Variants in ARFIP1 observed in about 807,000 individuals in gnomAD.
ARFIP1 encodes the protein ARF interacting protein 1.
ARFIP1 carries 24 observed loss-of-function variants against 42.5 expected under a neutral mutation model. That is an observed-to-expected ratio of 0.57 (90% CI 0.41 to 0.80). ARFIP1 has a LOEUF of 0.80. Among genes scored for constraint, ARFIP1 ranks in the 30% least tolerant of loss-of-function variants. ARFIP1 has a pLI of 0.00. For synonymous variants in ARFIP1, 141 were observed against 153.7 expected, an observed-to-expected ratio of 0.92 and a Z score of 0.61; for missense variants, 354 against 434.0, an observed-to-expected ratio of 0.82 and a Z score of 1.64.
At chr4:152,796,290 G>C in intron 1 of ARFIP1, 1 of 992,002 alleles carries the variant, frequency 1.0e-6, no homozygotes, top group Non-Finnish European at 1.5e-6. Flanking sequence ...AGTTCAGGTT[G>C]TGTTACATGG....
Position 152,892,971 on chromosome 4 carries a change from T to C in ARFIP1, c.966+4664T>C, listed in dbSNP as rs76738193. On this transcript the variant is annotated intron_variant, in intron 8 of 8. Transcript: ENST00000353617. ...TTAAATAATGTAACTTGAGCTATTT[T>C]GTGACTTAAGGCAGTTTGTTTACCT... 5.2e-4 allele frequency among the ~76,000 whole-genome samples: 80 copies of C among 152,382 alleles called. No homozygotes were observed. The East Asian group carries it at 0.014, about 28-fold the overall frequency.
intron 1 of ARFIP1, among the ~76,000 whole-genome samples, chr4:152,791,723 A>G (rs932920335): frequency 1.3e-5 from 2 of 152,198 alleles, no homozygotes; most frequent in African/African-American, 4.8e-5. Flanking sequence ...CCTACAAATA[A>G]GTATGACCAC....
In ARFIP1 at chr4:152,842,198, C is replaced by T. The variant is rs370634521; in HGVS notation, c.93+12472C>T. Among the ~76,000 whole-genome samples, 21 of 152,210 alleles carry T rather than the reference C, an allele frequency of 1.4e-4. No individual in the cohort carries two copies. In the East Asian group the frequency reaches 2.5e-3, roughly 18 times the overall value. Reference sequence around the variant, plus strand: ...GGTAGAGAAATAGCCAATCATCTATCGCCTGAGAGCACAGCAGGAGGGACA... The same window carrying T: ...GGTAGAGAAATAGCCAATCATCTATTGCCTGAGAGCACAGCAGGAGGGACA... On this transcript the variant is annotated intron_variant, in intron 2 of 8. Transcript: ENST00000353617.
intron 2 of ARFIP1, among the ~76,000 whole-genome samples, chr4:152,847,869 C>G (rs954316408): frequency 1.3e-5 from 2 of 152,146 alleles, no homozygotes; most frequent in Non-Finnish European, 2.9e-5. Flanking sequence ...TGGAATTTTT[C>G]CCGTGGAAGG....
At chr4:152,907,839 A>G (rs1342972941) in intron 8 of ARFIP1, among the ~76,000 whole-genome samples, 2 of 152,230 alleles carry the variant, frequency 1.3e-5, no homozygotes, top group East Asian at 3.8e-4. Flanking sequence ...CAGTGCTGCC[A>G]TGAACATAAT....
intron 3 of ARFIP1, among the ~76,000 whole-genome samples, chr4:152,866,857 CG>C (rs932263715): frequency 1.3e-5 from 2 of 150,696 alleles, no homozygotes; most frequent in African/African-American, 4.9e-5. Context: ...ACATCCCAGA[CG>C]GGGCGGCGGG....
intron 2 of ARFIP1, among the ~76,000 whole-genome samples, chr4:152,830,680 T>C (rs1731185814): frequency 6.6e-6 from 1 of 152,194 alleles, no homozygotes; most frequent in South Asian, 2.1e-4. Flanking sequence ...AATTGTACTT[T>C]GTTGGGTGTA....
chr4:152,826,528 A>C (rs1187417219), intron 1 of ARFIP1, among the ~76,000 whole-genome samples: 1 of 152,196 alleles, frequency 6.6e-6, no homozygotes, highest in Non-Finnish European at 1.5e-5. Context: ...TACAATGTAC[A>C]CTACCGGGGT....
At chr4:152,869,854 C>T (rs1414447074) in intron 3 of ARFIP1, among the ~76,000 whole-genome samples, 1 of 152,166 alleles carries the variant, frequency 6.6e-6, no homozygotes, top group Non-Finnish European at 1.5e-5. Flanking sequence ...GAATTTAAAA[C>T]TTAGTTGTGT....
intron 1 of ARFIP1, chr4:152,796,811 T>C (rs1731497331): frequency 1.6e-6 from 1 of 638,324 alleles, no homozygotes; most frequent in Non-Finnish European, 2.9e-6. Flanking sequence ...TATGGTGTAA[T>C]TCAATATATT....
chr4:152,789,561 G>A (rs530770887), intron 1 of ARFIP1, among the ~76,000 whole-genome samples: 1 of 152,222 alleles, frequency 6.6e-6, no homozygotes, highest in South Asian at 2.1e-4. Flanking sequence ...TTGGGAATTG[G>A]GGAATTATGC....
chr4:152,886,468 C>T (rs1049418652), intron 7 of ARFIP1, among the ~76,000 whole-genome samples: 2 of 151,988 alleles, frequency 1.3e-5, no homozygotes, highest in African/African-American at 4.8e-5. Context: ...TTGTATCTTA[C>T]AAATCTATGC....
At chr4:152,888,959 C>T (rs1736497474) in intron 8 of ARFIP1, among the ~76,000 whole-genome samples, 1 of 152,090 alleles carries the variant, frequency 6.6e-6, no homozygotes, top group African/African-American at 2.4e-5. Flanking sequence ...GCTTTGTATG[C>T]AGGATTGCAG....
chr4:152,830,016 G>C (rs934810472), intron 2 of ARFIP1, among the ~76,000 whole-genome samples: 3 of 152,030 alleles, frequency 2.0e-5, no homozygotes, highest in African/African-American at 7.2e-5. Context: ...AATTCTGTTT[G>C]TAATAAAAAG....
At chr4:152,812,173 CT>C (rs375968245) in intron 1 of ARFIP1, among the ~76,000 whole-genome samples, 11 of 152,178 alleles carry the variant, frequency 7.2e-5, no homozygotes, top group Non-Finnish European at 1.3e-4. Flanking sequence ...CCCCCAGAAT[CT>C]TTTTTGCAGT....
rs200428667 is a variant in ARFIP1, at chr4:152,813,967, A to G, written c.-9-15658A>G. Among the ~76,000 whole-genome samples, 7 of 151,936 alleles carry G rather than the reference A, an allele frequency of 4.6e-5. No individual in the cohort carries two copies. The East Asian group carries it at 7.7e-4, about 17-fold the overall frequency. ...CCTTCAGCCTGAAGAACTTCCTTTA[A>G]TATTTCTTGTAATGCAAGTCAAGTC... On this transcript the variant is annotated intron_variant, in intron 1 of 8. Transcript: ENST00000353617.
At chr4:152,796,525 T>C in intron 1 of ARFIP1, 2 of 764,920 alleles carry the variant, frequency 2.6e-6, no homozygotes, top group Non-Finnish European at 4.8e-6. Flanking sequence ...TTCTGTTTAA[T>C]CATATTGGAA....
At chr4:152,870,373 A>T (rs1009763602) in intron 3 of ARFIP1, among the ~76,000 whole-genome samples, 2 of 152,218 alleles carry the variant, frequency 1.3e-5, no homozygotes. Flanking sequence ...TTTCCTTTAT[A>T]TATGAGAGTA....
At chr4:152,860,267 T>C (rs1733781061) in intron 2 of ARFIP1, among the ~76,000 whole-genome samples, 1 of 152,164 alleles carries the variant, frequency 6.6e-6, no homozygotes, top group Non-Finnish European at 1.5e-5. Flanking sequence ...ATGCAGCCAT[T>C]AAGTGACTGA....
Sources: allele counts gnomAD v4.1 joint callset (sites outside exome capture counted in the v4.1 genomes callset), GRCh38; gene constraint gnomAD v4.1.1; transcripts MANE v1.5; gene names NCBI Gene and HGNC (gene_info 2026-07-23, HGNC 2026-07-21).